Variants in PCDH7 observed in about 807,000 individuals in gnomAD.
The protein encoded by PCDH7 is protocadherin-7.
In PCDH7, 17 loss-of-function variants were observed where a neutral mutation model predicts 58.9. The observed-to-expected ratio is 0.29, with a 90% CI of 0.20 to 0.43. The LOEUF is 0.43. Among genes scored for constraint, PCDH7 ranks in the 20% least tolerant of loss-of-function variants. PCDH7 has a pLI of 1.00. For synonymous variants in PCDH7, 664 were observed against 616.4 expected (o/e 1.08, Z -1.14); for missense variants, 1,274 against 1,441.0 (o/e 0.88, Z 1.88).
At chr4:30,927,870 C>CA (rs1183851366) in intron 2 of PCDH7, among the ~76,000 whole-genome samples, 1 of 151,954 alleles carries the variant, frequency 6.6e-6, no homozygotes, top group Non-Finnish European at 1.5e-5. Context: ...AACCAAAAAA[C>CA]AAAAAAACCT....
chr4:30,889,630 A>G (rs796776677), intron 1 of PCDH7, among the ~76,000 whole-genome samples: 51 of 152,318 alleles, frequency 3.3e-4, no homozygotes, highest in African/African-American at 1.2e-3. Flanking sequence ...GGAAAATTCA[A>G]GATCAAGACA....
At chr4:31,002,092 C>T (rs1443840411) in intron 3 of PCDH7, among the ~76,000 whole-genome samples, 1 of 152,186 alleles carries the variant, frequency 6.6e-6, no homozygotes, top group Non-Finnish European at 1.5e-5. Flanking sequence ...ATTGCTCCCC[C>T]ATCCCTACAA....
chr4:31,036,187 TC>T (rs2109195474), intron 3 of PCDH7, among the ~76,000 whole-genome samples: 1 of 152,282 alleles, frequency 6.6e-6, no homozygotes, highest in African/African-American at 2.4e-5. Flanking sequence ...AAATTGTAGT[TC>T]TTTTTTTGTA....
At chr4:30,888,377 T>C (rs1560470350) in intron 1 of PCDH7, among the ~76,000 whole-genome samples, 1 of 152,158 alleles carries the variant, frequency 6.6e-6, no homozygotes, top group Non-Finnish European at 1.5e-5. Context: ...TAATCAACAA[T>C]ATCCAAACTG....
chr4:31,115,940 C>T (rs1461468874), intron 3 of PCDH7, among the ~76,000 whole-genome samples: 1 of 152,142 alleles, frequency 6.6e-6, no homozygotes, highest in Non-Finnish European at 1.5e-5. Context: ...TCTTCTTCCT[C>T]CAGCCCACCA....
chr4:30,877,815 T>C (rs949101429), intron 1 of PCDH7, among the ~76,000 whole-genome samples: 31 of 152,294 alleles, frequency 2.0e-4, no homozygotes, highest in African/African-American at 7.0e-4. Flanking sequence ...GATGGAAATA[T>C]GCCAGTGCCA....
intron 1 of PCDH7, among the ~76,000 whole-genome samples, chr4:30,855,403 G>A (rs1379855884): frequency 6.6e-6 from 1 of 152,148 alleles, no homozygotes; most frequent in Non-Finnish European, 1.5e-5. Context: ...ATTGTGACAT[G>A]TACACTTGGT....
chr4:30,969,893 A>G (rs1007775224), intron 3 of PCDH7, among the ~76,000 whole-genome samples: 6 of 152,200 alleles, frequency 3.9e-5, no homozygotes, highest in African/African-American at 1.4e-4. Context: ...CTCTCTTTCC[A>G]TAGATAGATT....
chr4:30,744,634 G>T (rs905836008), intron 1 of PCDH7, among the ~76,000 whole-genome samples: 1 of 152,154 alleles, frequency 6.6e-6, no homozygotes, highest in Non-Finnish European at 1.5e-5. Flanking sequence ...TCCTAGAAAG[G>T]ATGACACTTG....
intron 1 of PCDH7, among the ~76,000 whole-genome samples, chr4:30,809,320 C>G (rs1188866318): frequency 6.6e-6 from 1 of 152,056 alleles, no homozygotes; most frequent in East Asian, 1.9e-4. Context: ...ATTAATAGGT[C>G]TTGAATACCT....
At chr4:30,763,495 G>A (rs1720310306) in intron 1 of PCDH7, among the ~76,000 whole-genome samples, 1 of 152,150 alleles carries the variant, frequency 6.6e-6, no homozygotes, top group South Asian at 2.1e-4. Context: ...GATAAACACG[G>A]AGGCTTAGAA....
At chr4:30,961,798 A>G (rs1276008685) in intron 3 of PCDH7, among the ~76,000 whole-genome samples, 1 of 152,120 alleles carries the variant, frequency 6.6e-6, no homozygotes, top group African/African-American at 2.4e-5. Flanking sequence ...TTTTACTGCC[A>G]TCTTTAAGCT....
chr4:30,830,577 G>A (rs1226108785), intron 1 of PCDH7, among the ~76,000 whole-genome samples: 1 of 151,808 alleles, frequency 6.6e-6, no homozygotes, highest in Admixed American at 6.6e-5. Flanking sequence ...GTTTAGATAG[G>A]ACTTGTTTTT....
chr4:31,019,018 T>G (rs982806320), intron 3 of PCDH7, among the ~76,000 whole-genome samples: 91 of 152,286 alleles, frequency 6.0e-4, no homozygotes, highest in African/African-American at 2.2e-3. Flanking sequence ...TCTGCACAAC[T>G]TTTAATGGAG....
chr4:31,100,680 C>T (rs968229279), intron 3 of PCDH7, among the ~76,000 whole-genome samples: 8 of 152,272 alleles, frequency 5.3e-5, no homozygotes, highest in African/African-American at 1.9e-4. Context: ...ACACTGGATC[C>T]CAGATCTCCT....
chr4:30,933,509 G>A (rs1002317525), intron 2 of PCDH7, among the ~76,000 whole-genome samples: 21 of 152,042 alleles, frequency 1.4e-4, no homozygotes, highest in Non-Finnish European at 2.9e-4. Context: ...GTTTTCTCTT[G>A]TCTTTAGGGT....
chr4:30,963,422 A>G lies in PCDH7; in HGVS notation c.*7+13207A>G, dbSNP rs548339555. Among the ~76,000 whole-genome samples the G allele has an allele frequency of 3.3e-5, 5 of 152,310 alleles. No individual in the cohort carries two copies. In the South Asian group the frequency reaches 1.0e-3, roughly 32 times the overall value. On this transcript the variant is annotated intron_variant, in intron 3 of 3. Transcript: ENST00000509759. ...TCTCCATGATTATTTAAGACCAAGT[A>G]TATATTTGCATCATTATAATATGAT...
intron 3 of PCDH7, among the ~76,000 whole-genome samples, chr4:31,120,926 C>T (rs1000980478): frequency 6.6e-6 from 1 of 152,146 alleles, no homozygotes; most frequent in Non-Finnish European, 1.5e-5. Flanking sequence ...TTGTGCCAGG[C>T]ATGGAATAAT....
At chr4:31,037,910 T>C (rs919201942) in intron 3 of PCDH7, among the ~76,000 whole-genome samples, 1 of 152,202 alleles carries the variant, frequency 6.6e-6, no homozygotes, top group Non-Finnish European at 1.5e-5. Context: ...AAGTGACAGA[T>C]AGATGATGGG....
Sources: gnomAD v4.1 joint callset for allele counts (sites outside exome capture counted in the v4.1 genomes callset) on GRCh38, gnomAD v4.1.1 for gene constraint, MANE v1.5 for transcripts, NCBI Gene and HGNC (gene_info 2026-07-23, HGNC 2026-07-21) for gene names.